MYO5B: variants seen among roughly 807,000 people sequenced by gnomAD.
MYO5B encodes myosin VB.
A neutral mutation model predicts 229.3 loss-of-function variants in MYO5B; 143 were observed. The observed-to-expected ratio is 0.62, with a 90% confidence interval of 0.54 to 0.72. MYO5B has a LOEUF of 0.72. MYO5B is among the 30% of genes least tolerant of loss of function. MYO5B has a pLI of 0.00. For missense variants in MYO5B, 2,321 were observed against 2,331.0 expected, an observed-to-expected ratio of 1.00 and a Z score of 0.09; for synonymous variants, 918 against 885.2, an observed-to-expected ratio of 1.04 and a Z score of -0.66.
At position 49,962,243 on chromosome 18, in the gene MYO5B, C is replaced by T. The variant is rs553166014; in HGVS notation, c.1545+23G>A. The stretch of plus-strand genomic sequence containing the variant: ...ATCACATCCCTACCCTAGAATTGAA[C>T]TAATTTGCATCATCAGTTTTACCTT... On this transcript the variant is annotated intron_variant, in intron 12 of 39. Transcript: ENST00000285039. 20 of 1,614,080 alleles carry T rather than the reference C, an allele frequency of 1.2e-5. 1 individual carries two copies. In the South Asian group the frequency reaches 2.1e-4, roughly 17 times the overall value.
chr18:49,967,424 G>A (rs1056108477), intron 10 of MYO5B, among the ~76,000 whole-genome samples: 10 of 152,178 alleles, frequency 6.6e-5, no homozygotes, highest in African/African-American at 1.9e-4. Context: ...GAAACTCTAC[G>A]TTCCCCTGGC....
chr18:50,044,406 A>G (rs2030162221), intron 2 of MYO5B, among the ~76,000 whole-genome samples: 1 of 152,086 alleles, frequency 6.6e-6, no homozygotes. Context: ...GATTCCATCC[A>G]CTCCATAATA....
intron 7 of MYO5B, among the ~76,000 whole-genome samples, chr18:49,985,726 A>G (rs976209368): frequency 6.6e-6 from 1 of 152,186 alleles, no homozygotes; most frequent in African/African-American, 2.4e-5. Context: ...AAAAGGAGAC[A>G]CTGGCCAAGT....
At chr18:50,146,063 C>T (rs1219251065) in intron 1 of MYO5B, among the ~76,000 whole-genome samples, 1 of 152,196 alleles carries the variant, frequency 6.6e-6, no homozygotes, top group Non-Finnish European at 1.5e-5. Context: ...TGACTTAAGA[C>T]AGTAGCTCAG....
chr18:50,039,577 C>T (rs899884905), intron 3 of MYO5B, among the ~76,000 whole-genome samples: 3 of 152,092 alleles, frequency 2.0e-5, no homozygotes, highest in African/African-American at 2.4e-5. Context: ...GTGATCCGCC[C>T]GCCTCGGCCT....
At chr18:50,045,620 C>T (rs561861587) in intron 2 of MYO5B, among the ~76,000 whole-genome samples, 53 of 152,302 alleles carry the variant, frequency 3.5e-4, no homozygotes, top group African/African-American at 1.2e-3. Flanking sequence ...CCTAGAACTG[C>T]CCAGGTGATC....
At chr18:49,922,252 C>T (rs1479437651) in intron 17 of MYO5B, among the ~76,000 whole-genome samples, 1 of 152,218 alleles carries the variant, frequency 6.6e-6, no homozygotes, top group Non-Finnish European at 1.5e-5. Context: ...TATCCCCAGA[C>T]ACAGTAGGCA....
intron 1 of MYO5B, among the ~76,000 whole-genome samples, chr18:50,145,863 G>A (rs1050664248): frequency 6.6e-6 from 1 of 152,196 alleles, no homozygotes; most frequent in Admixed American, 6.5e-5. Flanking sequence ...CTCAAAAGTT[G>A]TTCTCATTAA....
At chr18:50,164,874 G>T (rs552735321) in intron 1 of MYO5B, among the ~76,000 whole-genome samples, 2 of 152,298 alleles carry the variant, frequency 1.3e-5, no homozygotes, top group East Asian at 1.9e-4. Context: ...TCCCTTCTTG[G>T]AGCTGAAGTT....
chr18:50,172,224 T>G (rs1195656603), intron 1 of MYO5B, among the ~76,000 whole-genome samples: 1 of 141,684 alleles, frequency 7.1e-6, no homozygotes, highest in African/African-American at 2.7e-5. Context: ...GAGGCTGCCG[T>G]GAGCCATGAT....
At chr18:50,118,285 G>A (rs2031998907) in intron 1 of MYO5B, among the ~76,000 whole-genome samples, 1 of 152,198 alleles carries the variant, frequency 6.6e-6, no homozygotes, top group South Asian at 2.1e-4. Flanking sequence ...GGCTGCCGCT[G>A]CAGAAAAACA....
intron 10 of MYO5B, among the ~76,000 whole-genome samples, chr18:49,967,968 T>C (rs1449056245): frequency 6.6e-6 from 1 of 152,138 alleles, no homozygotes; most frequent in Non-Finnish European, 1.5e-5. Flanking sequence ...AATGCTCCAA[T>C]TCCCAGCTCG....
intron 21 of MYO5B, among the ~76,000 whole-genome samples, chr18:49,900,478 GTC>G (rs1390360866): frequency 1.3e-5 from 2 of 152,214 alleles, no homozygotes; most frequent in Non-Finnish European, 2.9e-5. Context: ...CCCAGTGACA[GTC>G]TCTTCTCAGA....
intron 12 of MYO5B, among the ~76,000 whole-genome samples, chr18:49,957,680 G>C (rs1012575666): frequency 2.8e-4 from 19 of 67,876 alleles, no homozygotes; most frequent in Admixed American, 2.2e-3. Context: ...AACAAAAAAA[G>C]CCAAAAAAAA....
chr18:50,093,779 G>GA (rs2031496997), intron 1 of MYO5B, among the ~76,000 whole-genome samples: 1 of 150,894 alleles, frequency 6.6e-6, no homozygotes, highest in South Asian at 2.1e-4. Flanking sequence ...AAAAAAAAAA[G>GA]AAAAAAGAAA....
At chr18:50,142,921 G>A (rs1415221604) in intron 1 of MYO5B, among the ~76,000 whole-genome samples, 1 of 152,150 alleles carries the variant, frequency 6.6e-6, no homozygotes, top group Non-Finnish European at 1.5e-5. Flanking sequence ...CATACGATAG[G>A]AAAACACCTA....
chr18:50,014,739 C>T (rs77897736), intron 4 of MYO5B, among the ~76,000 whole-genome samples: 1,525 of 152,276 alleles, frequency 0.01, 21 homozygotes, highest in African/African-American at 0.034. Flanking sequence ...GATGTCTGTT[C>T]TACCCAAGTA....
chr18:49,951,792 C>T (rs530683168), intron 14 of MYO5B, among the ~76,000 whole-genome samples: 56 of 152,284 alleles, frequency 3.7e-4, no homozygotes, highest in Middle Eastern at 3.4e-3. Flanking sequence ...CTCCAGGCAT[C>T]GTAAGAGACC....
chr18:50,012,981 T>C (rs897169411), intron 4 of MYO5B, among the ~76,000 whole-genome samples: 5 of 152,212 alleles, frequency 3.3e-5, no homozygotes, highest in South Asian at 4.1e-4. Context: ...CATGTAACTG[T>C]GGAACTCAGA....
Sources: gnomAD v4.1 joint callset for allele counts (sites outside exome capture counted in the v4.1 genomes callset) on GRCh38, gnomAD v4.1.1 for gene constraint, MANE v1.5 for transcripts, NCBI Gene and HGNC (gene_info 2026-07-23, HGNC 2026-07-21) for gene names.